Variants in CSMD1 observed in about 807,000 individuals in gnomAD.
CSMD1 encodes the protein CUB and sushi domain-containing protein 1.
CSMD1 carries 213 observed loss-of-function variants against 417.5 expected under a neutral mutation model. That is an observed-to-expected ratio of 0.51 (90% confidence interval 0.46 to 0.57). The LOEUF is 0.57. Ranked by LOEUF, CSMD1 falls within the 20% of genes least tolerant of loss-of-function variation. CSMD1 has a pLI of 0.00. For missense variants in CSMD1, 6,923 were observed against 4,529.7 expected, an observed-to-expected ratio of 1.53 and a Z score of -15.17; for synonymous variants, 2,862 against 1,736.8, an observed-to-expected ratio of 1.65 and a Z score of -16.11.
chr8:3,924,276 C>G (rs1809484252), intron 5 of CSMD1, among the ~76,000 whole-genome samples: 1 of 152,134 alleles, frequency 6.6e-6, no homozygotes, highest in South Asian at 2.1e-4. Context: ...ATGTTGTAAA[C>G]TGCTTTCCTC....
At chr8:3,348,634 G>A (rs775189616) in intron 21 of CSMD1, among the ~76,000 whole-genome samples, 8 of 152,098 alleles carry the variant, frequency 5.3e-5, no homozygotes, top group Non-Finnish European at 1.2e-4. Context: ...GGAATCTAAC[G>A]ACAGACCAAA....
At chr8:4,710,749 G>A (rs975440419) in intron 1 of CSMD1, among the ~76,000 whole-genome samples, 8 of 151,760 alleles carry the variant, frequency 5.3e-5, no homozygotes, top group Non-Finnish European at 1.0e-4. Context: ...GGAGTCTGAG[G>A]CAGGTAAAAT....
chr8:4,254,763 C>T (rs926129980), intron 3 of CSMD1, among the ~76,000 whole-genome samples: 1 of 152,122 alleles, frequency 6.6e-6, no homozygotes, highest in East Asian at 1.9e-4. Context: ...CATTGTGTTA[C>T]AGTTGCCTAC....
intron 23 of CSMD1, among the ~76,000 whole-genome samples, chr8:3,339,238 T>C (rs13282938): frequency 0.18 from 27,182 of 152,028 alleles, 2,916 homozygotes; most frequent in South Asian, 0.28. Context: ...CCTTTCAGTG[T>C]TTCTTTGGAA....
At chr8:4,130,228 G>T (rs558469439) in intron 3 of CSMD1, among the ~76,000 whole-genome samples, 1 of 152,164 alleles carries the variant, frequency 6.6e-6, no homozygotes, top group Admixed American at 6.5e-5. Context: ...CTTCTTGTCA[G>T]TCTAGTATGT....
chr8:3,232,167 T>C (rs923234437), intron 26 of CSMD1, among the ~76,000 whole-genome samples: 4 of 152,230 alleles, frequency 2.6e-5, no homozygotes, highest in Non-Finnish European at 5.9e-5. Flanking sequence ...GAAGTCACTT[T>C]CTGAATTTTA....
At chr8:3,781,311 T>C (rs149296111) in intron 5 of CSMD1, among the ~76,000 whole-genome samples, 1 of 152,058 alleles carries the variant, frequency 6.6e-6, no homozygotes, top group Admixed American at 6.5e-5. Context: ...TATTCATACA[T>C]GTCTTTGTTC....
chr8:4,988,128 C>T (rs1005370945), intron 1 of CSMD1, among the ~76,000 whole-genome samples: 1 of 152,214 alleles, frequency 6.6e-6, no homozygotes, highest in African/African-American at 2.4e-5. Flanking sequence ...GAGACACCAA[C>T]AATTTGACTC....
At chr8:3,768,535 A>C (rs1047081497) in intron 5 of CSMD1, among the ~76,000 whole-genome samples, 4 of 152,204 alleles carry the variant, frequency 2.6e-5, no homozygotes, top group African/African-American at 7.2e-5. Flanking sequence ...ATTTATAAGA[A>C]AGTCCAAATG....
Position 3,273,143 on chromosome 8 carries a change from G to A in CSMD1, c.4153+11001C>T, listed in dbSNP as rs1344052339. ...TTTATTGAGAGTTTTTAGTATGAAAGGTTGTTGAATTTTGTCAAAGGCCTT... is the reference window on the plus strand; with the variant it reads ...TTTATTGAGAGTTTTTAGTATGAAAAGTTGTTGAATTTTGTCAAAGGCCTT... On this transcript the variant is annotated intron_variant, in intron 26 of 69. Coordinates refer to ENST00000635120, the MANE Select transcript of CSMD1 (RefSeq NM_033225.6). Among the ~76,000 whole-genome samples the A allele has an allele frequency of 2.0e-5, 3 of 151,486 alleles. No homozygotes were observed. The East Asian group carries it at 5.8e-4, about 29-fold the overall frequency.
chr8:4,264,900 G>A (rs1308933130), intron 3 of CSMD1, among the ~76,000 whole-genome samples: 1 of 152,144 alleles, frequency 6.6e-6, no homozygotes, highest in Non-Finnish European at 1.5e-5. Flanking sequence ...AAAACATGTA[G>A]GAATTGGGTT....
intron 1 of CSMD1, among the ~76,000 whole-genome samples, chr8:4,915,559 G>A: frequency 6.6e-6 from 1 of 152,178 alleles, no homozygotes; most frequent in East Asian, 1.9e-4. Context: ...ATGGACCTGC[G>A]TCTGCAGTAG....
chr8:4,969,464 A>T (rs188124638), intron 1 of CSMD1, among the ~76,000 whole-genome samples: 1 of 151,552 alleles, frequency 6.6e-6, no homozygotes. Flanking sequence ...CTTTCTATTC[A>T]TATTCATTCA....
At chr8:3,049,004 G>T (rs140144763) in intron 50 of CSMD1, among the ~76,000 whole-genome samples, 4 of 152,052 alleles carry the variant, frequency 2.6e-5, no homozygotes, top group Admixed American at 6.6e-5. Context: ...TGCATCATCA[G>T]AGTATTGCTA....
At chr8:4,512,530 C>T (rs1051472869) in intron 2 of CSMD1, among the ~76,000 whole-genome samples, 2 of 151,908 alleles carry the variant, frequency 1.3e-5, no homozygotes, top group African/African-American at 2.4e-5. Flanking sequence ...GTATAACATC[C>T]TAAATAATTG....
At chr8:4,502,639 C>G (rs1314975311) in intron 2 of CSMD1, among the ~76,000 whole-genome samples, 1 of 152,120 alleles carries the variant, frequency 6.6e-6, no homozygotes, top group Non-Finnish European at 1.5e-5. Context: ...CTCGCATTTA[C>G]TTTTATTAAT....
chr8:4,328,011 AATG>A (rs1799654063), intron 3 of CSMD1, among the ~76,000 whole-genome samples: 1 of 152,174 alleles, frequency 6.6e-6, no homozygotes, highest in Non-Finnish European at 1.5e-5. Flanking sequence ...TCATTTGGGA[AATG>A]ATAAGAGGTA....
At chr8:3,524,715 TACATGCACACACAC>T (rs1251785379) in intron 10 of CSMD1, among the ~76,000 whole-genome samples, 2 of 135,620 alleles carry the variant, frequency 1.5e-5, no homozygotes, top group Non-Finnish European at 3.2e-5. Flanking sequence ...CACAAGCACA[TACATGCACACACAC>T]ACATGCACAC....
intron 10 of CSMD1, among the ~76,000 whole-genome samples, chr8:3,547,497 A>G (rs1448836851): frequency 2.6e-5 from 4 of 152,190 alleles, no homozygotes; most frequent in East Asian, 1.9e-4. Flanking sequence ...TTCTGAGCAT[A>G]TATTTATGCC....
Sources: allele counts gnomAD v4.1 joint callset (sites outside exome capture counted in the v4.1 genomes callset), GRCh38; gene constraint gnomAD v4.1.1; transcripts MANE v1.5; gene names NCBI Gene and HGNC (gene_info 2026-07-23, HGNC 2026-07-21).